Variants in LRP1B observed in about 807,000 individuals in gnomAD.
LRP1B encodes the protein low-density lipoprotein receptor-related protein 1B.
Under a neutral mutation model 556.6 loss-of-function variants are expected in LRP1B, and 217 were observed. That is an observed-to-expected ratio of 0.39 (90% CI 0.35 to 0.44). LRP1B has a LOEUF of 0.44. Among genes scored for constraint, LRP1B ranks in the 20% least tolerant of loss-of-function variants. The probability of loss-of-function intolerance (pLI) is 1.00; values close to 1 mark genes in which losing one functional copy is unlikely to be tolerated. For missense variants in LRP1B, 5,053 were observed against 5,620.8 expected, an observed-to-expected ratio of 0.90 and a Z score of 3.23; for synonymous variants, 2,047 against 1,865.8, an observed-to-expected ratio of 1.10 and a Z score of -2.50.
At chr2:141,345,816 C>G (rs1338515435) in intron 3 of LRP1B, among the ~76,000 whole-genome samples, 1 of 151,978 alleles carries the variant, frequency 6.6e-6, no homozygotes. Context: ...TGAATTTTCT[C>G]TGTTCATTCT....
At chr2:140,800,272 A>T (rs1690462891) in intron 32 of LRP1B, among the ~76,000 whole-genome samples, 2 of 152,078 alleles carry the variant, frequency 1.3e-5, no homozygotes, top group Admixed American at 1.3e-4. Flanking sequence ...CGGGGAGGGA[A>T]AGCATTAGGA....
chr2:141,339,137 C>T (rs949875983), intron 3 of LRP1B, among the ~76,000 whole-genome samples: 4 of 152,036 alleles, frequency 2.6e-5, no homozygotes, highest in Admixed American at 1.3e-4. Context: ...TAAGACTTAA[C>T]ATGCTTCCTC....
intron 2 of LRP1B, among the ~76,000 whole-genome samples, chr2:141,611,524 A>G (rs1013177744): frequency 7.9e-5 from 12 of 152,336 alleles, no homozygotes; most frequent in Admixed American, 6.5e-5. Context: ...GCAGCCTTAA[A>G]TGCTATTACT....
chr2:141,914,902 A>C (rs943457544), intron 1 of LRP1B, among the ~76,000 whole-genome samples: 1 of 152,230 alleles, frequency 6.6e-6, no homozygotes, highest in East Asian at 1.9e-4. Context: ...GGAAGAATCA[A>C]TATCATAAAA....
intron 43 of LRP1B, among the ~76,000 whole-genome samples, chr2:140,554,005 A>T (rs1680640830): frequency 6.6e-6 from 1 of 152,112 alleles, no homozygotes; most frequent in Non-Finnish European, 1.5e-5. Context: ...AAGAAACAGA[A>T]GAAGGAGGAT....
chr2:141,544,296 C>CTCTTCTTCTTCTTCTTCT lies in LRP1B; in HGVS notation c.206-63781_206-63764dup, dbSNP rs1175616888. 3.8e-4 allele frequency among the ~76,000 whole-genome samples: 30 copies of CTCTTCTTCTTCTTCTTCT among 78,356 alleles called. 1 individual carries two copies. The highest frequency in any genetic ancestry group is 1.4e-3 in the African/African-American group (27 of 19,396). 51.4% of individuals were successfully genotyped at this position (78,356 alleles called of 152,430 possible). On this transcript the variant is annotated intron_variant, in intron 2 of 90. Coordinates refer to ENST00000389484, the MANE Select transcript of LRP1B (RefSeq NM_018557.3). The stretch of plus-strand genomic sequence containing the variant: ...AAGTCTTCTCTTAAGAAATTTACCA[C>CTCTTCTTCTTCTTCTTCT]TCTTCTTCTTCTTCTTCTTCTTCTT...
intron 1 of LRP1B, among the ~76,000 whole-genome samples, chr2:141,933,887 T>C (rs977248789): frequency 6.6e-6 from 1 of 152,082 alleles, no homozygotes; most frequent in Non-Finnish European, 1.5e-5. Flanking sequence ...TATGATCTTA[T>C]ACATTAAAAA....
intron 66 of LRP1B, among the ~76,000 whole-genome samples, chr2:140,414,478 T>C (rs1377865471): frequency 6.6e-6 from 1 of 152,164 alleles, no homozygotes; most frequent in African/African-American, 2.4e-5. Flanking sequence ...GTAATAGTGA[T>C]TTACCTAATA....
chr2:141,900,959 A>G (rs1288552209), intron 1 of LRP1B, among the ~76,000 whole-genome samples: 2 of 152,018 alleles, frequency 1.3e-5, no homozygotes, highest in Non-Finnish European at 1.5e-5. Flanking sequence ...TTGCAGGGAC[A>G]TGCTTTTGGC....
intron 2 of LRP1B, among the ~76,000 whole-genome samples, chr2:141,639,978 T>A (rs1689271269): frequency 6.6e-6 from 1 of 152,210 alleles, no homozygotes; most frequent in South Asian, 2.1e-4. Context: ...AGCCTGGAAC[T>A]CATGTTAAAG....
At chr2:141,015,988 A>G in intron 12 of LRP1B, 73 bp from the exon 13 acceptor site, 1 of 1,130,776 alleles carries the variant, frequency 8.8e-7, no homozygotes. Flanking sequence ...ACTTCCTCAG[A>G]TTTGGCAGTT....
intron 43 of LRP1B, among the ~76,000 whole-genome samples, chr2:140,594,669 T>G (rs1682361007): frequency 1.3e-5 from 2 of 152,172 alleles, no homozygotes; most frequent in Admixed American, 6.5e-5. Context: ...CTAGCTTCTT[T>G]CTAATCTTTT....
intron 6 of LRP1B, among the ~76,000 whole-genome samples, chr2:141,225,383 T>A (rs1683206631): frequency 6.6e-6 from 1 of 152,146 alleles, no homozygotes; most frequent in Non-Finnish European, 1.5e-5. Flanking sequence ...AGAGATTAAG[T>A]CAGAAAATAT....
At chr2:140,793,424 TTAGA>T (rs1474608066) in intron 32 of LRP1B, among the ~76,000 whole-genome samples, 1 of 151,968 alleles carries the variant, frequency 6.6e-6, no homozygotes, top group Non-Finnish European at 1.5e-5. Flanking sequence ...TGCTCTTATC[TTAGA>T]TAATTTACTA....
At chr2:141,380,585 T>C (rs1194948254) in intron 3 of LRP1B, among the ~76,000 whole-genome samples, 1 of 152,288 alleles carries the variant, frequency 6.6e-6, no homozygotes, top group Non-Finnish European at 1.5e-5. Flanking sequence ...TGGAATTCAT[T>C]AGGCCTCTAG....
chr2:140,802,015 G>GA (rs373774681), intron 32 of LRP1B, among the ~76,000 whole-genome samples: 1 of 152,074 alleles, frequency 6.6e-6, no homozygotes, highest in African/African-American at 2.4e-5. Context: ...GAGGATCAAG[G>GA]AAAAAAACTG....
At position 140,593,971 on chromosome 2, in the gene LRP1B, A is replaced by G. The variant is rs1477428071; in HGVS notation, c.7194+4660T>C. 2.0e-5 allele frequency among the ~76,000 whole-genome samples: 3 copies of G among 151,518 alleles called. No homozygotes were observed. The East Asian group carries it at 6.0e-4, about 30-fold the overall frequency. ...AAATCTCTACAAACACATGCCCATG[A>G]CACATCATGTTAATTTTTTTTTTTT... On this transcript the variant is annotated intron_variant, in intron 43 of 90. Coordinates refer to ENST00000389484, the MANE Select transcript of LRP1B (RefSeq NM_018557.3).
chr2:140,815,318 T>C (rs1388121974), intron 31 of LRP1B, among the ~76,000 whole-genome samples: 1 of 152,086 alleles, frequency 6.6e-6, no homozygotes, highest in Non-Finnish European at 1.5e-5. Flanking sequence ...CCTCTTTTTT[T>C]TTCCTGAGAG....
intron 3 of LRP1B, among the ~76,000 whole-genome samples, chr2:141,442,369 G>T (rs1681009888): frequency 6.7e-6 from 1 of 150,316 alleles, no homozygotes; most frequent in Admixed American, 6.6e-5. Context: ...GTAAAAAACA[G>T]TGGACAATAT....
Sources: gnomAD v4.1 joint callset for allele counts (sites outside exome capture counted in the v4.1 genomes callset) on GRCh38, gnomAD v4.1.1 for gene constraint, MANE v1.5 for transcripts, NCBI Gene and HGNC (gene_info 2026-07-23, HGNC 2026-07-21) for gene names.